The following ENTREP2 variants were observed in gnomAD, a reference collection of about 807,000 sequenced individuals.
The protein encoded by ENTREP2 is protein ENTREP2.
chr15:29,447,179 G>C, the ENTREP2 span, among the ~76,000 whole-genome samples: 1 of 152,058 alleles, frequency 6.6e-6, no homozygotes, highest in Non-Finnish European at 1.5e-5. Context: ...TATTTTAATT[G>C]AATATTAAAA....
chr15:29,380,657 C>G, the ENTREP2 span, among the ~76,000 whole-genome samples: 1 of 152,144 alleles, frequency 6.6e-6, no homozygotes, highest in Non-Finnish European at 1.5e-5. Context: ...TGGCCTGCTC[C>G]TCAGCACAAT....
the ENTREP2 span, among the ~76,000 whole-genome samples, chr15:29,246,542 C>CA: frequency 1.3e-5 from 2 of 151,332 alleles, no homozygotes; most frequent in South Asian, 2.1e-4. Flanking sequence ...AAAAAAATAC[C>CA]AAAAAAATGT....
At chr15:29,579,361 G>A in the ENTREP2 span, among the ~76,000 whole-genome samples, 5 of 152,128 alleles carry the variant, frequency 3.3e-5, no homozygotes, top group South Asian at 2.1e-4. Context: ...AAATTGCTGA[G>A]ACGTAATTCT....
chr15:29,576,806 T>A, the ENTREP2 span, among the ~76,000 whole-genome samples: 1 of 152,114 alleles, frequency 6.6e-6, no homozygotes, highest in Non-Finnish European at 1.5e-5. Context: ...TATTATTAAC[T>A]TGTTTTTGTT....
chr15:29,640,667 A>C, the ENTREP2 span, among the ~76,000 whole-genome samples: 1 of 151,988 alleles, frequency 6.6e-6, no homozygotes, highest in Non-Finnish European at 1.5e-5. Flanking sequence ...ACAAAACAAA[A>C]CAAAACAAAA....
At chr15:29,281,828 G>C in the ENTREP2 span, among the ~76,000 whole-genome samples, 1 of 152,188 alleles carries the variant, frequency 6.6e-6, no homozygotes, top group African/African-American at 2.4e-5. Flanking sequence ...GTGAAGCCGT[G>C]CCAACCCACT....
At chr15:29,647,419 A>ATC in the ENTREP2 span, among the ~76,000 whole-genome samples, 1 of 152,204 alleles carries the variant, frequency 6.6e-6, no homozygotes, top group African/African-American at 2.4e-5. Flanking sequence ...AAGACTTAAG[A>ATC]AACATTCCTA....
At chr15:29,245,006 C>T in the ENTREP2 span, among the ~76,000 whole-genome samples, 1 of 152,174 alleles carries the variant, frequency 6.6e-6, no homozygotes, top group African/African-American at 2.4e-5. Context: ...ACAGCAACTA[C>T]ACAGAAAAGC....
the ENTREP2 span, chr15:29,252,268 C>T: frequency 1.5e-6 from 1 of 645,746 alleles, no homozygotes; most frequent in Non-Finnish European, 2.6e-6. Context: ...TGAAAGTGTA[C>T]ATGAGAACCT....
the ENTREP2 span, among the ~76,000 whole-genome samples, chr15:29,320,796 T>C: frequency 1.3e-5 from 2 of 152,068 alleles, no homozygotes; most frequent in Non-Finnish European, 2.9e-5. Flanking sequence ...AACAGTGAGC[T>C]TGAAGATAGG....
At chr15:29,582,382 C>T in the ENTREP2 span, among the ~76,000 whole-genome samples, 1 of 151,666 alleles carries the variant, frequency 6.6e-6, no homozygotes, top group Admixed American at 6.6e-5. Context: ...GAAATAAAGA[C>T]TAAACAAAAA....
At chr15:29,225,177 G>A in the ENTREP2 span, among the ~76,000 whole-genome samples, 1 of 152,200 alleles carries the variant, frequency 6.6e-6, no homozygotes, top group Non-Finnish European at 1.5e-5. Flanking sequence ...GCCTTGGCCA[G>A]CCCAGAAAGG....
chr15:29,517,943 C>G, the ENTREP2 span, among the ~76,000 whole-genome samples: 143 of 152,080 alleles, frequency 9.4e-4, 2 homozygotes, highest in Admixed American at 2.6e-4. Flanking sequence ...GTACATGGGG[C>G]GAGAACCGCA....
the ENTREP2 span, among the ~76,000 whole-genome samples, chr15:29,297,461 A>G: frequency 6.6e-6 from 1 of 152,270 alleles, no homozygotes; most frequent in Admixed American, 6.5e-5. Flanking sequence ...AACAAAGCAC[A>G]GTAGATAACT....
the ENTREP2 span, among the ~76,000 whole-genome samples, chr15:29,639,186 G>A: frequency 1.3e-5 from 2 of 152,148 alleles, no homozygotes; most frequent in East Asian, 3.9e-4. Flanking sequence ...CTAAATTTCT[G>A]CCTATTCCAT....
At chr15:29,473,399 T>A in the ENTREP2 span, among the ~76,000 whole-genome samples, 3 of 152,032 alleles carry the variant, frequency 2.0e-5, no homozygotes, top group Non-Finnish European at 4.4e-5. Flanking sequence ...GCAGCTGCAG[T>A]TCCCCCCATG....
At chr15:29,593,817 A>T in the ENTREP2 span, among the ~76,000 whole-genome samples, 2 of 152,116 alleles carry the variant, frequency 1.3e-5, no homozygotes, top group African/African-American at 4.8e-5. Flanking sequence ...GGGTGTGGTG[A>T]GTGTGGCTTG....
chr15:29,409,632 C>CT, the ENTREP2 span, among the ~76,000 whole-genome samples: 24 of 147,284 alleles, frequency 1.6e-4, no homozygotes, highest in East Asian at 2.0e-3. Flanking sequence ...GCCTATTTTT[C>CT]TTTTTTTTTT....
chr15:29,141,828 C>T, the ENTREP2 span, among the ~76,000 whole-genome samples: 1 of 152,240 alleles, frequency 6.6e-6, no homozygotes, highest in African/African-American at 2.4e-5. Context: ...CCGCTCTGCG[C>T]TCCAGACCCT....
Sources: gnomAD v4.1 joint callset for allele counts (sites outside exome capture counted in the v4.1 genomes callset) on GRCh38, gnomAD v4.1.1 for gene constraint, MANE v1.5 for transcripts, NCBI Gene and HGNC (gene_info 2026-07-23, HGNC 2026-07-21) for gene names.